BANP: variants seen among roughly 807,000 people sequenced by gnomAD.
The protein encoded by BANP is protein BANP.
In BANP, 11 loss-of-function variants were observed where a neutral mutation model predicts 68.1. The ratio of observed to expected loss-of-function variants is 0.16; its 90% CI spans 0.10 to 0.27. The LOEUF is 0.27. Ranked by LOEUF, BANP falls within the 10% of genes least tolerant of loss-of-function variation. BANP has a pLI of 1.00. For missense variants in BANP, 504 were observed against 722.7 expected, an observed-to-expected ratio of 0.70 and a Z score of 3.47; for synonymous variants, 329 against 303.2, an observed-to-expected ratio of 1.09 and a Z score of -0.88.
chr16:87,962,127 C>T (rs190867600), intron 1 of BANP, among the ~76,000 whole-genome samples: 1 of 151,702 alleles, frequency 6.6e-6, no homozygotes, highest in Non-Finnish European at 1.5e-5. Context: ...GTAATCCCAG[C>T]TACTCTGGAG....
At chr16:87,983,273 C>T (rs2063641114) in intron 3 of BANP, among the ~76,000 whole-genome samples, 1 of 152,144 alleles carries the variant, frequency 6.6e-6, no homozygotes, top group East Asian at 1.9e-4. Flanking sequence ...GAAGGAGTGT[C>T]CTTCTGTCTG....
chr16:87,985,068 T>A (rs1230292233), intron 4 of BANP, among the ~76,000 whole-genome samples: 3 of 152,156 alleles, frequency 2.0e-5, no homozygotes, highest in Non-Finnish European at 4.4e-5. Flanking sequence ...CGCCGAGGAA[T>A]GGGAGCCGCA....
chr16:88,076,311 G>A (rs2091590981), intron 13 of BANP, among the ~76,000 whole-genome samples: 1 of 152,150 alleles, frequency 6.6e-6, no homozygotes, highest in East Asian at 1.9e-4. Context: ...GGCAGGAGCA[G>A]CTGCTGCGCC....
intron 1 of BANP, among the ~76,000 whole-genome samples, chr16:87,969,009 T>C (rs1355458043): frequency 6.6e-6 from 1 of 152,138 alleles, no homozygotes; most frequent in East Asian, 1.9e-4. Flanking sequence ...AACCTGGAAA[T>C]ATTCTGTGCA....
intron 1 of BANP, among the ~76,000 whole-genome samples, chr16:87,962,621 C>T (rs1265923750): frequency 6.6e-6 from 1 of 152,174 alleles, no homozygotes; most frequent in Non-Finnish European, 1.5e-5. Flanking sequence ...TGGAATTTGA[C>T]CACTTACTTA....
At position 87,981,031 on chromosome 16, in the gene BANP, T is replaced by C. The variant is rs1447021233; in HGVS notation, c.71-5T>C. The stretch of plus-strand genomic sequence containing the variant: ...AACATTTTTTTTCTCTGTCACTGAT[T>C]TCAGTTGTTTTGGAGAATCATGTAG... On this transcript the variant is annotated splice_polypyrimidine_tract_variant and splice_region_variant and intron_variant, in intron 2 of 13. Transcript: ENST00000682872. 6.2e-7 allele frequency: 1 copy of C among 1,607,354 alleles called. No homozygotes were observed. Among genetic ancestry groups the C allele is most frequent in the Admixed American group, 1.7e-5 (1 of 60,000 alleles).
intron 1 of BANP, among the ~76,000 whole-genome samples, chr16:87,967,392 G>A (rs2060232225): frequency 6.6e-6 from 1 of 151,266 alleles, no homozygotes; most frequent in South Asian, 2.1e-4. Flanking sequence ...ACAAATGTGA[G>A]CCACCACACT....
Position 87,957,573 on chromosome 16 carries a change from T to C in BANP, c.-69+6058T>C, listed in dbSNP as rs1030043527. On this transcript the variant is annotated intron_variant, in intron 1 of 13. Coordinates refer to ENST00000682872, the MANE Select transcript of BANP (RefSeq NM_001386991.1). The surrounding 1 kb of genome is among the most constrained non-coding windows in gnomAD (Gnocchi z 4.3). ...ACCTTTCGCTAGTGACCAGTTACCT[T>C]CTGTGTCTGAGAGAAGGCCGTTGTG... Among the ~76,000 whole-genome samples, 4 of 152,226 alleles carry C rather than the reference T, an allele frequency of 2.6e-5. No individual in the cohort carries two copies. The highest frequency in any genetic ancestry group is 1.3e-4 in the Admixed American group (2 of 15,290).
At chr16:88,038,196 G>C (rs1260254457) in intron 11 of BANP, among the ~76,000 whole-genome samples, 185 bp downstream of exon 11, 1 of 152,116 alleles carries the variant, frequency 6.6e-6, no homozygotes, top group Non-Finnish European at 1.5e-5. Flanking sequence ...CGCTGCCGAG[G>C]GGTGGGGCTC....
intron 4 of BANP, among the ~76,000 whole-genome samples, chr16:87,996,646 C>G (rs1341063917): frequency 1.3e-5 from 2 of 151,692 alleles, no homozygotes; most frequent in Non-Finnish European, 2.9e-5. Flanking sequence ...GTCCTGGGCG[C>G]CAGCTGGGCT....
intron 6 of BANP, among the ~76,000 whole-genome samples, chr16:88,012,940 T>C (rs1366493032): frequency 2.0e-5 from 3 of 152,214 alleles, no homozygotes; most frequent in Admixed American, 6.5e-5. Flanking sequence ...TTTCCCTTTT[T>C]CCCGACAGTA....
At chr16:88,010,891 CAT>C (rs1465307897) in intron 6 of BANP, among the ~76,000 whole-genome samples, 7 of 59,802 alleles carry the variant, frequency 1.2e-4, no homozygotes, top group Admixed American at 3.9e-4. Context: ...CACGGAATGC[CAT>C]TCGTGCACAT....
chr16:88,021,326 C>T (rs1449671175), intron 7 of BANP, among the ~76,000 whole-genome samples: 7 of 152,162 alleles, frequency 4.6e-5, no homozygotes. Flanking sequence ...GGAAGTCCCT[C>T]CGGGGTGGGG....
intron 8 of BANP, among the ~76,000 whole-genome samples, chr16:88,031,826 TC>T (rs1283280487): frequency 6.9e-6 from 1 of 144,030 alleles, no homozygotes; most frequent in Non-Finnish European, 1.5e-5. Context: ...CCCCGTCCCT[TC>T]CCCCGCTCGC....
chr16:88,053,650 AAC>A (rs2083993789), intron 11 of BANP, among the ~76,000 whole-genome samples: 1 of 148,644 alleles, frequency 6.7e-6, no homozygotes, highest in Non-Finnish European at 1.5e-5. Context: ...CACCATCACC[AAC>A]ACAGTCACCT....
chr16:88,059,758 A>G (rs375013989), intron 11 of BANP, among the ~76,000 whole-genome samples: 2 of 152,210 alleles, frequency 1.3e-5, no homozygotes, highest in East Asian at 1.9e-4. Context: ...GGGCCCTACC[A>G]GCTGCACTGT....
intron 7 of BANP, among the ~76,000 whole-genome samples, chr16:88,019,379 G>A (rs61649802): frequency 0.24 from 36,648 of 151,800 alleles, 4,868 homozygotes; most frequent in East Asian, 0.46. Context: ...AGCAGCAAAC[G>A]CAAGAGACAC....
chr16:88,010,468 C>T (rs1050270157), intron 6 of BANP, among the ~76,000 whole-genome samples: 5 of 152,186 alleles, frequency 3.3e-5, no homozygotes, highest in African/African-American at 1.2e-4. Context: ...GCTGGTGAGG[C>T]ACAGCTGGGA....
chr16:88,053,887 ACAG>A (rs2084125132), intron 11 of BANP, among the ~76,000 whole-genome samples: 7 of 106,088 alleles, frequency 6.6e-5, no homozygotes, highest in Admixed American at 1.8e-4. Context: ...CATCACCAAC[ACAG>A]TCCCCTTCAC....
Sources: allele counts gnomAD v4.1 joint callset (sites outside exome capture counted in the v4.1 genomes callset), GRCh38; gene constraint gnomAD v4.1.1; non-coding constraint Gnocchi (gnomAD v3.1); transcripts MANE v1.5; gene names NCBI Gene and HGNC (gene_info 2026-07-23, HGNC 2026-07-21).